Variants in RIMKLB observed in about 807,000 individuals in gnomAD.
The protein encoded by RIMKLB is beta-citrylglutamate synthase B.
Under a neutral mutation model 32.0 loss-of-function variants are expected in RIMKLB, and 7 were observed. The ratio of observed to expected loss-of-function variants is 0.22; its 90% CI spans 0.12 to 0.41. RIMKLB has a LOEUF of 0.41. Among genes scored for constraint, RIMKLB ranks in the 10% least tolerant of loss-of-function variants. The probability of loss-of-function intolerance (pLI) is 1.00; values close to 1 mark genes in which losing one functional copy is unlikely to be tolerated. For missense variants in RIMKLB, 289 were observed against 498.7 expected, an observed-to-expected ratio of 0.58 and a Z score of 4.00; for synonymous variants, 172 against 185.1, an observed-to-expected ratio of 0.93 and a Z score of 0.57.
chr12:8,756,086 A>G (rs554678189), intron 5 of RIMKLB, among the ~76,000 whole-genome samples: 2 of 151,482 alleles, frequency 1.3e-5, no homozygotes, highest in African/African-American at 2.4e-5. Context: ...ACCAGGAGAC[A>G]GAGGTTGCAG....
rs1287144157 is a variant in RIMKLB at position 8,714,194 on chromosome 12, T to G, written c.175+153T>G. The G allele has an allele frequency of 6.7e-6, 4 of 597,792 alleles. No homozygotes were observed. The Admixed American group carries it at 1.2e-4, about 19-fold the overall frequency. The allele number at this position is 597,792 out of a possible 1,614,324, so 37.0% of individuals were successfully genotyped here. ...TCTAATATATTTTATGAAAGTAATA[T>G]AAACACTAATATTTATTAACTTTAT... On this transcript the variant is annotated intron_variant, in intron 2 of 5. Coordinates refer to ENST00000535829, the MANE Select transcript of RIMKLB (RefSeq NM_001297776.2).
At chr12:8,696,517 T>C (rs1280738476), upstream of RIMKLB, among the ~76,000 whole-genome samples, 2 of 152,226 alleles carry the variant, frequency 1.3e-5, no homozygotes, top group Non-Finnish European at 2.9e-5. Context: ...TTAAATATTA[T>C]ATACTTATTA....
chr12:8,692,521 GA>G (rs112734123), upstream of RIMKLB, among the ~76,000 whole-genome samples: 10 of 151,326 alleles, frequency 6.6e-5, no homozygotes, highest in South Asian at 1.9e-3. Context: ...TGTGGTAGAG[GA>G]AAAAAAAATC....
chr12:8,709,842 T>G (rs1305134775), intron 1 of RIMKLB, among the ~76,000 whole-genome samples: 1 of 152,252 alleles, frequency 6.6e-6, no homozygotes, highest in Non-Finnish European at 1.5e-5. Flanking sequence ...ATGCAAATTA[T>G]CATAGATATG....
chr12:8,756,358 T>G (rs1218092804), intron 5 of RIMKLB, among the ~76,000 whole-genome samples: 1 of 151,972 alleles, frequency 6.6e-6, no homozygotes, highest in African/African-American at 2.4e-5. Flanking sequence ...CCCAGAAAAA[T>G]TTTAAGTTCT....
At chr12:8,738,137 G>T (rs1947188242) in intron 2 of RIMKLB, among the ~76,000 whole-genome samples, 1 of 152,170 alleles carries the variant, frequency 6.6e-6, no homozygotes, top group Non-Finnish European at 1.5e-5. Context: ...CGACCTACCT[G>T]GCCTCAGGTG....
At chr12:8,709,124 T>C (rs1419443078) in intron 1 of RIMKLB, among the ~76,000 whole-genome samples, 1 of 152,204 alleles carries the variant, frequency 6.6e-6, no homozygotes, top group Non-Finnish European at 1.5e-5. Context: ...CTTACAGTTA[T>C]CTTATTGGGT....
At chr12:8,693,040 C>G (rs193243726), upstream of RIMKLB, among the ~76,000 whole-genome samples, 1 of 152,336 alleles carries the variant, frequency 6.6e-6, no homozygotes. Context: ...TTTACTACTT[C>G]GAGGCCTCTA....
chr12:8,766,340 C>T (rs896503938), intron 5 of RIMKLB, among the ~76,000 whole-genome samples: 1 of 152,122 alleles, frequency 6.6e-6, no homozygotes, highest in African/African-American at 2.4e-5. Context: ...TTCTAGTGGT[C>T]CTTTACCAGC....
the RIMKLB span, among the ~76,000 whole-genome samples, chr12:8,675,675 A>G: frequency 6.6e-6 from 1 of 152,230 alleles, no homozygotes; most frequent in South Asian, 2.1e-4. Flanking sequence ...ATATAGACAG[A>G]GGAGCCTTTA....
chr12:8,745,558 CTAATTTTGTATTTTTAG>C lies in RIMKLB; in HGVS notation c.176-4300_176-4284del, dbSNP rs1194803468. Among the ~76,000 whole-genome samples the C allele has an allele frequency of 1.3e-5, 2 of 151,380 alleles. 1 individual carries two copies. Among genetic ancestry groups the C allele is most frequent in the African/African-American group, 4.9e-5 (2 of 40,912 alleles). On this transcript the variant is annotated intron_variant, in intron 2 of 5. Transcript: ENST00000535829. Reference sequence around the variant, plus strand: ...TTTATGCATGAGCCACCATGCCTGGCTAATTTTGTATTTTTAGTAAAGATGGGGTTTCTCCATGTTGG... The same window carrying C: ...TTTATGCATGAGCCACCATGCCTGGCTAAAGATGGGGTTTCTCCATGTTGG...
intron 2 of RIMKLB, among the ~76,000 whole-genome samples, chr12:8,743,495 A>C (rs190413307): frequency 4.1e-4 from 59 of 142,548 alleles, no homozygotes; most frequent in Non-Finnish European, 6.6e-4. Context: ...AACCACTGGT[A>C]CTTACTATTA....
upstream of RIMKLB, among the ~76,000 whole-genome samples, chr12:8,696,193 T>A (rs992185041): frequency 2.7e-5 from 4 of 145,828 alleles, no homozygotes; most frequent in African/African-American, 9.7e-5. Context: ...AATTTCACTG[T>A]GTTTATTTTG....
At chr12:8,721,422 A>T (rs1043271272) in intron 2 of RIMKLB, among the ~76,000 whole-genome samples, 3 of 152,204 alleles carry the variant, frequency 2.0e-5, no homozygotes, top group Non-Finnish European at 1.5e-5. Context: ...TTTATGTAAT[A>T]TTCTAAATCT....
chr12:8,704,875 C>G (rs1565554542), intron 1 of RIMKLB, among the ~76,000 whole-genome samples: 1 of 112,972 alleles, frequency 8.9e-6, no homozygotes, highest in Non-Finnish European at 1.9e-5. Flanking sequence ...ATCCCACCTA[C>G]TTGGGAGGCT....
chr12:8,677,562 C>G (rs1451305731), upstream of RIMKLB, among the ~76,000 whole-genome samples: 1 of 152,178 alleles, frequency 6.6e-6, no homozygotes, highest in Non-Finnish European at 1.5e-5. Flanking sequence ...CTTTGTGATA[C>G]AAAGCAGCCA....
chr12:8,698,836 T>G (rs1943117368), intron 1 of RIMKLB, among the ~76,000 whole-genome samples: 1 of 152,168 alleles, frequency 6.6e-6, no homozygotes, highest in Non-Finnish European at 1.5e-5. Flanking sequence ...TGACAGTCAT[T>G]CCATCTTTTC....
chr12:8,774,503 A>G lies in RIMKLB; in HGVS notation c.*719A>G. The G allele has an allele frequency of 1.0e-6, 1 of 981,674 alleles. No individual in the cohort carries two copies. Among genetic ancestry groups the G allele is most frequent in the Non-Finnish European group, 1.2e-6 (1 of 826,212 alleles). 60.8% of individuals were successfully genotyped at this position (981,674 alleles called of 1,614,324 possible). ...ATGTAGATAAAATTACACTAGTTTA[A>G]AATATGTGCATTCACTTGTATTTGT... On this transcript the variant is annotated 3_prime_UTR_variant, in exon 6 of 6. Coordinates refer to ENST00000535829, the MANE Select transcript of RIMKLB (RefSeq NM_001297776.2).
chr12:8,751,842 ATCAGGCTCTT>A, intron 3 of RIMKLB, 105 bp from the exon 4 acceptor site: 1 of 674,550 alleles, frequency 1.5e-6, no homozygotes, highest in Non-Finnish European at 2.6e-6. Context: ...AAAGTTAGCC[ATCAGGCTCTT>A]ACCTTCAACT....
Sources: allele counts gnomAD v4.1 joint callset (sites outside exome capture counted in the v4.1 genomes callset), GRCh38; gene constraint gnomAD v4.1.1; transcripts MANE v1.5; gene names NCBI Gene and HGNC (gene_info 2026-07-23, HGNC 2026-07-21).